SH3TC1: variants seen among roughly 807,000 people sequenced by gnomAD.
SH3TC1 encodes the protein SH3 domain and tetratricopeptide repeat-containing protein 1.
A neutral mutation model predicts 117.3 loss-of-function variants in SH3TC1; 135 were observed. The observed-to-expected ratio is 1.15, with a 90% CI of 1.00 to 1.33. The LOEUF (loss-of-function observed/expected upper bound fraction) is 1.33, where lower values mean the gene tolerates loss of function less well. Ranked by LOEUF, SH3TC1 falls within the 40% of genes most tolerant of loss-of-function variation. The pLI is 0.00. For missense variants in SH3TC1, 2,092 were observed against 1,794.3 expected, an observed-to-expected ratio of 1.17 and a Z score of -3.00; for synonymous variants, 898 against 816.9, an observed-to-expected ratio of 1.10 and a Z score of -1.69.
rs537721109 is a variant in SH3TC1 at position 8,230,540 on chromosome 4, GA to G, written c.2951-1435del. Among the ~76,000 whole-genome samples the G allele has an allele frequency of 1.7e-3, 256 of 152,200 alleles. 2 individuals carry two copies. Among genetic ancestry groups the G allele is most frequent in the African/African-American group, 4.4e-3 (184 of 41,536 alleles). ...TGAAAAACCCACCTTTGGGTCTGTTGATTAGCTCTTTTGTTTTTCCATTCTC... is the reference window on the plus strand; with the variant it reads ...TGAAAAACCCACCTTTGGGTCTGTTGTTAGCTCTTTTGTTTTTCCATTCTC... On this transcript the variant is annotated intron_variant, in intron 12 of 17. Transcript: ENST00000245105.
intron 6 of SH3TC1, among the ~76,000 whole-genome samples, chr4:8,216,512 G>C (rs951618063): frequency 6.6e-6 from 1 of 152,228 alleles, no homozygotes. Flanking sequence ...TCTAGTGCCA[G>C]TCCCCAGCTC....
At position 8,228,422 on chromosome 4, in the gene SH3TC1, G is replaced by C. The variant is rs369804581; in HGVS notation, c.2728G>C (p.Gly910Arg). The change falls in exon 12 of 18, where the codon GGG becomes CGG. Residue 910 changes from glycine to arginine, a missense_variant. Transcript: ENST00000245105. ...RNQAVGLANFGALCLHAGASR... is the reference protein window; with the variant it reads ...RNQAVGLANFRALCLHAGASR... The stretch of plus-strand genomic sequence containing the variant: ...CCAGGCAGTGGGGCTGGCCAACTTC[G>C]GGGCCCTGTGCCTGCATGCGGGTGC... The C allele has an allele frequency of 9.3e-6, 15 of 1,605,830 alleles. No individual in the cohort carries two copies. Among genetic ancestry groups the C allele is most frequent in the Non-Finnish European group, 1.3e-5 (15 of 1,175,946 alleles).
At chr4:8,232,627 T>C (rs1382515323) in intron 13 of SH3TC1, 10 of 1,317,454 alleles carry the variant, frequency 7.6e-6, no homozygotes, top group Non-Finnish European at 1.0e-5. Flanking sequence ...AGGTCTCACA[T>C]CCCACATGTG....
Position 8,233,446 on chromosome 4 carries a change from C to A in SH3TC1, c.3215C>A (p.Ala1072Asp). ...CAGAAGAAAGAGAAGGAGGCGCATG[C>A]CTGGCTGCAAGCAGGGAAGATCTAT... ...DLQKKEKEAH[A>D]WLQAGKIYYI... The change falls in exon 14 of 18, where the codon GCC becomes GAC. Residue 1072 changes from alanine to aspartate, a missense_variant. By Grantham distance (126) the Ala-to-Asp change is moderately radical. Transcript: ENST00000245105. 6.2e-7 allele frequency: 1 copy of A among 1,613,910 alleles called. No homozygotes were observed. The highest frequency in any genetic ancestry group is 1.1e-5 in the South Asian group (1 of 91,040).
Position 8,217,115 on chromosome 4 carries a change from T to C in SH3TC1, c.787T>C (p.Ser263Pro). 3 of 1,613,738 alleles carry C rather than the reference T, an allele frequency of 1.9e-6. No homozygotes were observed. The highest frequency in any genetic ancestry group is 2.5e-6 in the Non-Finnish European group (3 of 1,179,892). Residue 263 changes from serine (S) to proline (P), a missense_variant, in exon 7 of 18, where the codon TCC (serine) becomes CCC (proline). Transcript: ENST00000245105. ...DSSPPSPSVS[S>P]EEVAVAAAPE... is the part of the protein sequence containing the mutation. ...TTCACCGCCGAGCCCCAGCGTGTCC[T>C]CCGAGGAGGTGGCAGTGGCGGCCGC...
intron 4 of SH3TC1, among the ~76,000 whole-genome samples, chr4:8,213,610 G>T (rs1718944776): frequency 6.6e-6 from 1 of 152,112 alleles, no homozygotes. Flanking sequence ...AAGAAATGGG[G>T]CCTTCAGCGG....
chr4:8,197,470 C>T (rs1717592287), upstream of SH3TC1, among the ~76,000 whole-genome samples: 1 of 152,224 alleles, frequency 6.6e-6, no homozygotes, highest in Non-Finnish European at 1.5e-5. Context: ...GAGCCGTGTC[C>T]CCGCAGGGAA....
intron 16 of SH3TC1, 65 bp downstream of exon 16, chr4:8,236,493 G>T (rs1316698644): frequency 7.1e-7 from 1 of 1,414,178 alleles, no homozygotes. Context: ...CTCCAGGTCT[G>T]CAGGGCAGGA....
chr4:8,209,972 T>A lies in SH3TC1; in HGVS notation c.247+150T>A. On this transcript the variant is annotated intron_variant, in intron 3 of 17. Transcript: ENST00000245105. This position sits in a 1 kb window ranked among gnomAD's most constrained non-coding sequence, Gnocchi z 5.9. ...TGATGGGAATAGAAAGAAGGGTTTGTTAAATGCGCATGCCCAGGTCCTGCA... is the reference window on the plus strand; with the variant it reads ...TGATGGGAATAGAAAGAAGGGTTTGATAAATGCGCATGCCCAGGTCCTGCA... 1.1e-6 allele frequency: 1 copy of A among 870,412 alleles called. No homozygotes were observed. The highest frequency in any genetic ancestry group is 1.7e-5 in the South Asian group (1 of 57,840). 53.9% of individuals were successfully genotyped at this position (870,412 alleles called of 1,614,324 possible).
rs1486591293 is a variant in SH3TC1, at chr4:8,217,170, A to G, written c.839+3A>G. 6.2e-7 allele frequency: 1 copy of G among 1,600,866 alleles called. No homozygotes were observed. The highest frequency in any genetic ancestry group is 1.7e-5 in the Admixed American group (1 of 58,010). On this transcript the variant is annotated splice_donor_region_variant and intron_variant, in intron 7 of 17. Coordinates refer to ENST00000245105, the MANE Select transcript of SH3TC1 (RefSeq NM_018986.5). The stretch of plus-strand genomic sequence containing the variant: ...GAGCCTTTGATTCCATTTCATCAGT[A>G]GGTACCGGCCTTTGCTGCTCTGAGA...
chr4:8,188,580 T>TC (rs1297491543), intron 1 of SH3TC1, among the ~76,000 whole-genome samples: 2 of 151,988 alleles, frequency 1.3e-5, no homozygotes, highest in Non-Finnish European at 2.9e-5. Flanking sequence ...AGTTTCCCGG[T>TC]CCCCCCTCTG....
chr4:8,215,096 T>A, intron 5 of SH3TC1: 1 of 449,834 alleles, frequency 2.2e-6, no homozygotes, highest in Non-Finnish European at 4.5e-6. Flanking sequence ...CGGATGTGGG[T>A]CTTTGTTGCA....
At chr4:8,230,444 T>C (rs1385703840) in intron 12 of SH3TC1, among the ~76,000 whole-genome samples, 4 of 152,098 alleles carry the variant, frequency 2.6e-5, no homozygotes, top group African/African-American at 4.8e-5. Flanking sequence ...TCTCTGATTT[T>C]AGTCATTTGT....
At chr4:8,184,853 TAC>T (rs1717176300) in intron 1 of SH3TC1, among the ~76,000 whole-genome samples, 1 of 131,474 alleles carries the variant, frequency 7.6e-6, no homozygotes, top group African/African-American at 2.7e-5. Flanking sequence ...ACATTTGTGA[TAC>T]AGTTAATTCT....
rs762514561 is a variant in SH3TC1 at position 8,228,461 on chromosome 4, C to T, written c.2767C>T (p.Gln923Ter). The T allele has an allele frequency of 6.2e-7, 1 of 1,606,794 alleles. No homozygotes were observed. The highest frequency in any genetic ancestry group is 8.5e-7 in the Non-Finnish European group (1 of 1,176,866). ...GCATGCGGGTGCCAGCAGGCTGGCC[C>T]AGCACTACCTCCTGGAGGCCGTGCG... is the stretch of plus-strand genomic sequence containing the variant. ...CLHAGASRLA[Q>*]HYLLEAVRLF... Residue 923 changes from glutamine (Q) to a stop codon, truncating the protein, a stop_gained, in exon 12 of 18, where the codon CAG becomes TAG. Transcript: ENST00000245105. LOFTEE classifies it high-confidence loss of function.
rs765519272 is a variant in SH3TC1 at position 8,225,308 on chromosome 4, A to G, written c.1285+92A>G. The stretch of plus-strand genomic sequence containing the variant: ...GGTGACAAAGCTGAGCACGGTGGGC[A>G]TTGGGTGCGGCTGTCACCCCTCTGT... On this transcript the variant is annotated intron_variant, in intron 11 of 17. Coordinates refer to ENST00000245105, the MANE Select transcript of SH3TC1 (RefSeq NM_018986.5). The surrounding 1 kb of genome is among the most constrained non-coding windows in gnomAD (Gnocchi z 5.5). The G allele has an allele frequency of 9.1e-6, 13 of 1,428,706 alleles. No individual in the cohort carries two copies. The highest frequency in any genetic ancestry group is 1.3e-5 in the Non-Finnish European group (13 of 1,035,344). The allele number at this position is 1,428,706 out of a possible 1,614,324, so 88.5% of individuals were successfully genotyped here.
intron 17 of SH3TC1, among the ~76,000 whole-genome samples, chr4:8,239,349 A>G (rs1722116046): frequency 6.6e-6 from 1 of 151,828 alleles, no homozygotes; most frequent in Non-Finnish European, 1.5e-5. Context: ...GGACACGCAC[A>G]CGCAAATGCA....
At position 8,205,389 on chromosome 4, in the gene SH3TC1, A is replaced by G; in HGVS notation, c.172+23A>G. ...GCGGTGAGTTCATTCCACCCTCACC[A>G]CCCGCCCTCCATCCCACCCACTTCT... On this transcript the variant is annotated intron_variant, in intron 2 of 17. Coordinates refer to ENST00000245105, the MANE Select transcript of SH3TC1 (RefSeq NM_018986.5). This position sits in a 1 kb window ranked among gnomAD's most constrained non-coding sequence, Gnocchi z 5.4. The G allele has an allele frequency of 5.9e-6, 9 of 1,526,548 alleles. No individual in the cohort carries two copies. Among genetic ancestry groups the G allele is most frequent in the Non-Finnish European group, 7.9e-6 (9 of 1,134,642 alleles). 94.6% of individuals were successfully genotyped at this position (1,526,548 alleles called of 1,614,324 possible).
At chr4:8,232,562 C>A in intron 13 of SH3TC1, 1 of 1,361,158 alleles carries the variant, frequency 7.3e-7, no homozygotes, top group Non-Finnish European at 9.7e-7. Flanking sequence ...TGTGGCTTCT[C>A]TCCCACAGAA....
Sources: allele counts gnomAD v4.1 joint callset (sites outside exome capture counted in the v4.1 genomes callset), GRCh38; gene constraint gnomAD v4.1.1; non-coding constraint Gnocchi (gnomAD v3.1); transcripts MANE v1.5; gene names NCBI Gene and HGNC (gene_info 2026-07-23, HGNC 2026-07-21).